Variants in SPMIP4 observed in about 807,000 individuals in gnomAD.
SPMIP4 encodes sperm microtubule inner protein 4.
At chr7:25,166,233 C>T in the SPMIP4 span, among the ~76,000 whole-genome samples, 25,165 of 130,996 alleles carry the variant, frequency 0.19, 3,629 homozygotes, top group African/African-American at 0.39. Flanking sequence ...TTTCCGTCTT[C>T]TTTTTTTTTT....
chr7:25,155,248 G>GA, the SPMIP4 span: 3 of 1,442,918 alleles, frequency 2.1e-6, no homozygotes, highest in Non-Finnish European at 2.8e-6. Context: ...AAGTATGGTT[G>GA]AAAAAATTAA....
chr7:25,161,455 T>C, the SPMIP4 span, among the ~76,000 whole-genome samples: 1 of 151,976 alleles, frequency 6.6e-6, no homozygotes, highest in Admixed American at 6.6e-5. Flanking sequence ...CAGACTTATC[T>C]TGAACTCCTG....
At chr7:25,134,119 G>T in the SPMIP4 span, among the ~76,000 whole-genome samples, 4 of 151,910 alleles carry the variant, frequency 2.6e-5, no homozygotes, top group East Asian at 7.7e-4. Context: ...ACTTAGCCGG[G>T]CGTGGTGGCA....
At chr7:25,133,391 G>T in the SPMIP4 span, among the ~76,000 whole-genome samples, 1 of 152,182 alleles carries the variant, frequency 6.6e-6, no homozygotes, top group Non-Finnish European at 1.5e-5. Flanking sequence ...TTCTGTAAAT[G>T]ACTTGGATAT....
chr7:25,136,805 G>C, the SPMIP4 span: 1 of 1,593,822 alleles, frequency 6.3e-7, no homozygotes. This position sits in a 1 kb window ranked among gnomAD's most constrained non-coding sequence, Gnocchi z 5.7. Flanking sequence ...TGTAGTTGTG[G>C]GATAAAAAGG....
the SPMIP4 span, among the ~76,000 whole-genome samples, chr7:25,143,750 C>A: frequency 6.6e-6 from 1 of 152,050 alleles, no homozygotes; most frequent in Non-Finnish European, 1.5e-5. Flanking sequence ...TACCACCACT[C>A]CTGGCTTTTT....
At chr7:25,132,194 C>A in the SPMIP4 span, among the ~76,000 whole-genome samples, 1 of 152,168 alleles carries the variant, frequency 6.6e-6, no homozygotes, top group Non-Finnish European at 1.5e-5. The surrounding 1 kb of genome is among the most constrained non-coding windows in gnomAD (Gnocchi z 5.0). Flanking sequence ...TATTTCTTTA[C>A]CTCCTGTTTT....
At chr7:25,154,701 C>A in the SPMIP4 span, among the ~76,000 whole-genome samples, 12 of 152,030 alleles carry the variant, frequency 7.9e-5, no homozygotes, top group Middle Eastern at 0.01. Flanking sequence ...ACCGTGAGAG[C>A]AGGAAAGAAA....
the SPMIP4 span, among the ~76,000 whole-genome samples, chr7:25,129,001 T>C: frequency 1.3e-5 from 2 of 152,224 alleles, no homozygotes; most frequent in Admixed American, 6.5e-5. Flanking sequence ...TGAGCTGGTA[T>C]TCAAGTTGTA....
At chr7:25,153,608 T>C in the SPMIP4 span, among the ~76,000 whole-genome samples, 1 of 152,164 alleles carries the variant, frequency 6.6e-6, no homozygotes, top group East Asian at 1.9e-4. Context: ...CATATTTCTG[T>C]GATTTCTTGC....
the SPMIP4 span, among the ~76,000 whole-genome samples, chr7:25,138,441 G>GGCTGGTCTCT: frequency 6.6e-6 from 1 of 151,932 alleles, no homozygotes; most frequent in Non-Finnish European, 1.5e-5. This position sits in a 1 kb window ranked among gnomAD's most constrained non-coding sequence, Gnocchi z 6.2. Context: ...ATGTTGCCCA[G>GGCTGGTCTCT]GCTGGTCTCT....
chr7:25,158,388 A>T, the SPMIP4 span: 1 of 720,376 alleles, frequency 1.4e-6, no homozygotes, highest in Non-Finnish European at 2.3e-6. Flanking sequence ...AAAAAAAAAA[A>T]GAAACGTTTT....
At chr7:25,179,111 A>AC in the SPMIP4 span, 5 of 1,480,706 alleles carry the variant, frequency 3.4e-6, no homozygotes, top group Non-Finnish European at 4.6e-6. Flanking sequence ...TTCCTCACAT[A>AC]ATAAAATACA....
chr7:25,168,609 T>C, the SPMIP4 span: 2 of 660,792 alleles, frequency 3.0e-6, no homozygotes, highest in East Asian at 6.1e-5. Flanking sequence ...GTCAGGTAGA[T>C]TATGATACTG....
chr7:25,162,314 A>C, the SPMIP4 span, among the ~76,000 whole-genome samples: 63 of 151,282 alleles, frequency 4.2e-4, no homozygotes, highest in Admixed American at 3.3e-4. Flanking sequence ...AAATAAAAAA[A>C]CTAAAAAACC....
chr7:25,177,298 T>C, the SPMIP4 span, among the ~76,000 whole-genome samples: 1 of 152,060 alleles, frequency 6.6e-6, no homozygotes, highest in Non-Finnish European at 1.5e-5. Flanking sequence ...CTGGCCAACA[T>C]AGTGAAACCC....
At chr7:25,136,371 T>A in the SPMIP4 span, 1 of 1,614,152 alleles carries the variant, frequency 6.2e-7, no homozygotes. This position sits in a 1 kb window ranked among gnomAD's most constrained non-coding sequence, Gnocchi z 5.7. Flanking sequence ...TCCAGTGGTC[T>A]GGTTTACAGT....
At chr7:25,139,459 T>TA in the SPMIP4 span, among the ~76,000 whole-genome samples, 4 of 151,988 alleles carry the variant, frequency 2.6e-5, no homozygotes, top group Non-Finnish European at 5.9e-5. Flanking sequence ...TATGTTAAAG[T>TA]AAAAAAACTA....
the SPMIP4 span, among the ~76,000 whole-genome samples, chr7:25,148,353 G>A: frequency 2.0e-5 from 3 of 152,150 alleles, no homozygotes; most frequent in South Asian, 2.1e-4. Flanking sequence ...GCAGGAGGAT[G>A]CAGAAGGCCA....
Sources: gnomAD v4.1 joint callset for allele counts (sites outside exome capture counted in the v4.1 genomes callset) on GRCh38, gnomAD v4.1.1 for gene constraint, Gnocchi (gnomAD v3.1) non-coding constraint, MANE v1.5 for transcripts, NCBI Gene and HGNC (gene_info 2026-07-23, HGNC 2026-07-21) for gene names.